DSCAM: variants seen among roughly 807,000 people sequenced by gnomAD.
The protein encoded by DSCAM is DS cell adhesion molecule.
In DSCAM, 47 loss-of-function variants were observed where a neutral mutation model predicts 217.7. The ratio of observed to expected loss-of-function variants is 0.22; its 90% CI spans 0.17 to 0.28. DSCAM has a LOEUF of 0.28. DSCAM is among the 10% of genes least tolerant of loss of function. DSCAM has a pLI of 1.00. For synonymous variants in DSCAM, 1,056 were observed against 1,015.3 expected (o/e 1.04, Z -0.76); for missense variants, 2,080 against 2,618.3 (o/e 0.79, Z 4.49).
chr21:40,094,352 A>C (rs925248147), intron 20 of DSCAM, among the ~76,000 whole-genome samples: 4 of 152,166 alleles, frequency 2.6e-5, no homozygotes, highest in Admixed American at 2.0e-4. Context: ...TAAAATAGAG[A>C]GCTCCACCTC....
chr21:40,477,399 G>GGTATTTTTTCTGATC (rs2075946422), intron 3 of DSCAM, among the ~76,000 whole-genome samples: 1 of 152,004 alleles, frequency 6.6e-6, no homozygotes, highest in African/African-American at 2.4e-5. Context: ...AAAAGAAAAC[G>GGTATTTTTTCTGATC]GTATTTTTTC....
At chr21:40,694,298 T>C (rs1403797673) in intron 2 of DSCAM, among the ~76,000 whole-genome samples, 3 of 152,196 alleles carry the variant, frequency 2.0e-5, no homozygotes, top group South Asian at 2.1e-4. Flanking sequence ...AGATAACTTA[T>C]TGTCTAATCA....
chr21:40,082,766 T>C (rs1007676935), intron 24 of DSCAM, among the ~76,000 whole-genome samples: 1 of 152,150 alleles, frequency 6.6e-6, no homozygotes, highest in African/African-American at 2.4e-5. Context: ...CAACTGGTTC[T>C]TGGAGAGGAG....
At chr21:40,380,935 C>T (rs557270800) in intron 3 of DSCAM, among the ~76,000 whole-genome samples, 1,821 of 151,820 alleles carry the variant, frequency 0.012, 28 homozygotes, top group Non-Finnish European at 0.016. Flanking sequence ...TGGTGGCGGG[C>T]GCCTGTAGTC....
intron 3 of DSCAM, among the ~76,000 whole-genome samples, chr21:40,442,732 G>A (rs920438158): frequency 6.6e-6 from 1 of 151,950 alleles, no homozygotes; most frequent in East Asian, 1.9e-4. Context: ...GGCTGGTCCC[G>A]AACTCCTGAC....
At chr21:40,514,794 A>G (rs2076287054) in intron 3 of DSCAM, among the ~76,000 whole-genome samples, 1 of 152,196 alleles carries the variant, frequency 6.6e-6, no homozygotes, top group Non-Finnish European at 1.5e-5. Context: ...TAAACCATCA[A>G]CGGAGCTTAT....
chr21:40,431,674 T>C (rs1275053727), intron 3 of DSCAM, among the ~76,000 whole-genome samples: 1 of 152,230 alleles, frequency 6.6e-6, no homozygotes, highest in Non-Finnish European at 1.5e-5. Context: ...AAATATATAA[T>C]GCAAAAAATA....
intron 28 of DSCAM, among the ~76,000 whole-genome samples, chr21:40,059,931 T>C (rs2146514345): frequency 6.6e-6 from 1 of 152,324 alleles, no homozygotes; most frequent in South Asian, 2.1e-4. Flanking sequence ...CTGGGCCATG[T>C]CCAAATATGG....
chr21:40,501,277 T>C (rs2076168453), intron 3 of DSCAM, among the ~76,000 whole-genome samples: 1 of 152,198 alleles, frequency 6.6e-6, no homozygotes, highest in South Asian at 2.1e-4. Context: ...CTCACCTCTT[T>C]GTATATTAAA....
At chr21:40,769,734 T>A (rs1442965849) in intron 1 of DSCAM, among the ~76,000 whole-genome samples, 1 of 152,186 alleles carries the variant, frequency 6.6e-6, no homozygotes, top group Non-Finnish European at 1.5e-5. Flanking sequence ...TTAGCAAGAA[T>A]CCTGCTTAGT....
At chr21:40,814,141 CA>C (rs758318687) in intron 1 of DSCAM, among the ~76,000 whole-genome samples, 2 of 152,164 alleles carry the variant, frequency 1.3e-5, no homozygotes, top group Non-Finnish European at 2.9e-5. Flanking sequence ...CACATGTGAC[CA>C]AAATGCAACT....
At position 40,312,187 on chromosome 21, in the gene DSCAM, G is replaced by A. The variant is rs1391887426; in HGVS notation, c.1956C>T (p.Ser652=). The change falls in exon 9 of 33, where the codon AGC becomes AGT. Residue 652 remains serine, a synonymous_variant. Coordinates refer to ENST00000400454, the MANE Select transcript of DSCAM (RefSeq NM_001389.5). ...GCGAGAGATTGGAAATCCTCAAGGA[G>A]CTCGTGAAGTCAATATTGTCAATGG... is the stretch of plus-strand genomic sequence containing the variant. The part of the protein sequence containing the change: ...GVTIDNIDFT[S]SLRISNLSLM... 5 of 1,614,018 alleles carry A rather than the reference G, an allele frequency of 3.1e-6. No homozygotes were observed. In the South Asian group the frequency reaches 3.3e-5, roughly 11 times the overall value.
chr21:40,385,676 T>G (rs954068005), intron 3 of DSCAM, among the ~76,000 whole-genome samples: 1 of 152,276 alleles, frequency 6.6e-6, no homozygotes, highest in African/African-American at 2.4e-5. Flanking sequence ...GGCTGAGGGG[T>G]TTGGCTCTCA....
At chr21:40,404,263 A>G (rs926308286) in intron 3 of DSCAM, among the ~76,000 whole-genome samples, 1 of 152,238 alleles carries the variant, frequency 6.6e-6, no homozygotes, top group Non-Finnish European at 1.5e-5. Context: ...TGTTCTGGAA[A>G]TGTACATAAA....
chr21:40,133,256 A>G (rs2090172442), intron 19 of DSCAM, among the ~76,000 whole-genome samples: 1 of 152,244 alleles, frequency 6.6e-6, no homozygotes, highest in Non-Finnish European at 1.5e-5. Flanking sequence ...TTTGGGTAAT[A>G]GTCACAACCC....
At chr21:40,372,803 A>G (rs2074911764) in intron 3 of DSCAM, among the ~76,000 whole-genome samples, 1 of 152,210 alleles carries the variant, frequency 6.6e-6, no homozygotes, top group African/African-American at 2.4e-5. Context: ...TGTATAAACT[A>G]AGAGTAAATA....
intron 8 of DSCAM, among the ~76,000 whole-genome samples, chr21:40,312,881 G>C (rs2074154550): frequency 6.6e-6 from 1 of 152,166 alleles, no homozygotes; most frequent in African/African-American, 2.4e-5. Flanking sequence ...GGGAGGCCAA[G>C]GCAGGAGGAA....
chr21:40,522,811 T>C (rs1443372336), intron 3 of DSCAM, among the ~76,000 whole-genome samples: 1 of 152,218 alleles, frequency 6.6e-6, no homozygotes, highest in East Asian at 1.9e-4. Context: ...TCTTGCCACC[T>C]TGCTGCCCAG....
At chr21:40,502,088 C>A (rs1384550036) in intron 3 of DSCAM, among the ~76,000 whole-genome samples, 1 of 152,118 alleles carries the variant, frequency 6.6e-6, no homozygotes, top group Non-Finnish European at 1.5e-5. Context: ...AACATTTGTT[C>A]TATTTTTCAC....
Sources: allele counts gnomAD v4.1 joint callset (sites outside exome capture counted in the v4.1 genomes callset), GRCh38; gene constraint gnomAD v4.1.1; transcripts MANE v1.5; gene names NCBI Gene and HGNC (gene_info 2026-07-23, HGNC 2026-07-21).